CACNB2: variants seen among roughly 807,000 people sequenced by gnomAD.
CACNB2 encodes voltage-dependent L-type calcium channel subunit beta-2.
Under a neutral mutation model 73.3 loss-of-function variants are expected in CACNB2, and 42 were observed. The observed-to-expected ratio is 0.57, with a 90% CI of 0.45 to 0.74. The LOEUF is 0.74. Among genes scored for constraint, CACNB2 ranks in the 30% least tolerant of loss-of-function variants. The probability of loss-of-function intolerance (pLI) is 0.00; values close to 1 mark genes in which losing one functional copy is unlikely to be tolerated. For missense variants in CACNB2, 940 were observed against 853.0 expected, an observed-to-expected ratio of 1.10 and a Z score of -1.27; for synonymous variants, 348 against 310.3, an observed-to-expected ratio of 1.12 and a Z score of -1.28.
chr10:18,218,176 G>A (rs1489006850), intron 2 of CACNB2, among the ~76,000 whole-genome samples: 1 of 152,104 alleles, frequency 6.6e-6, no homozygotes, highest in African/African-American at 2.4e-5. Flanking sequence ...ATTTCTTGTT[G>A]GACTAGTCTC....
At chr10:18,245,166 C>T (rs2036812584) in intron 2 of CACNB2, among the ~76,000 whole-genome samples, 5 of 151,826 alleles carry the variant, frequency 3.3e-5, no homozygotes. Context: ...TTGTTTTATG[C>T]CACTGTATTT....
chr10:18,368,298 C>T (rs1027481329), intron 2 of CACNB2, among the ~76,000 whole-genome samples: 4 of 152,104 alleles, frequency 2.6e-5, no homozygotes, highest in South Asian at 2.1e-4. Flanking sequence ...TTTTCGCCCT[C>T]GGGTCACTGG....
intron 3 of CACNB2, among the ~76,000 whole-genome samples, chr10:18,447,353 G>A (rs1020761329): frequency 6.6e-6 from 1 of 152,194 alleles, no homozygotes; most frequent in Non-Finnish European, 1.5e-5. Context: ...TGGATAGCAA[G>A]ATTAATCTGG....
chr10:18,179,416 A>G (rs1005606626), intron 2 of CACNB2, among the ~76,000 whole-genome samples: 3 of 152,154 alleles, frequency 2.0e-5, no homozygotes, highest in Admixed American at 6.5e-5. Context: ...ATCCCACCCC[A>G]ACCATTATGT....
At chr10:18,515,653 G>C (rs1340047164) in intron 7 of CACNB2, among the ~76,000 whole-genome samples, 4 of 152,202 alleles carry the variant, frequency 2.6e-5, no homozygotes, top group Non-Finnish European at 5.9e-5. Flanking sequence ...TTGGATTTTT[G>C]TGTTAACATA....
chr10:18,534,029 T>C (rs781320014), intron 10 of CACNB2, 47 bp from the exon 11 acceptor site: 23 of 1,602,244 alleles, frequency 1.4e-5, no homozygotes, highest in South Asian at 7.7e-5. Context: ...CATTTTACTT[T>C]ATCTTAAAAA....
At chr10:18,400,612 A>C in intron 2 of CACNB2, 1 of 1,048,160 alleles carries the variant, frequency 9.5e-7, no homozygotes, top group Non-Finnish European at 1.2e-6. Context: ...TTGCACTTGC[A>C]AATGTCACTG....
chr10:18,492,868 G>A (rs531627830), intron 3 of CACNB2, among the ~76,000 whole-genome samples: 80 of 152,174 alleles, frequency 5.3e-4, no homozygotes, highest in African/African-American at 1.8e-3. Context: ...GGCTTTAATG[G>A]GGGGTAAATA....
At chr10:18,516,641 G>C (rs1028543341) in intron 7 of CACNB2, among the ~76,000 whole-genome samples, 1 of 152,170 alleles carries the variant, frequency 6.6e-6, no homozygotes, top group Non-Finnish European at 1.5e-5. Flanking sequence ...TGATGCCTTC[G>C]GCACTGGTAT....
chr10:18,171,954 T>G (rs1047244685), intron 2 of CACNB2, among the ~76,000 whole-genome samples: 2 of 152,154 alleles, frequency 1.3e-5, no homozygotes, highest in Admixed American at 6.6e-5. Context: ...TTCTTCTCTG[T>G]GGAGCTAACT....
intron 3 of CACNB2, among the ~76,000 whole-genome samples, chr10:18,431,846 C>A (rs909435591): frequency 1.3e-5 from 2 of 151,944 alleles, no homozygotes; most frequent in African/African-American, 4.8e-5. Context: ...CTTACTACAA[C>A]CTCTGCCTCC....
intron 2 of CACNB2, among the ~76,000 whole-genome samples, chr10:18,314,010 C>G (rs2040060578): frequency 6.6e-6 from 1 of 152,212 alleles, no homozygotes; most frequent in Non-Finnish European, 1.5e-5. Flanking sequence ...AATATTTTAA[C>G]TTGGAGTGTG....
intron 3 of CACNB2, among the ~76,000 whole-genome samples, chr10:18,456,928 T>A (rs1320231372): frequency 6.6e-6 from 1 of 152,218 alleles, no homozygotes; most frequent in African/African-American, 2.4e-5. Flanking sequence ...ACCTTTTGGC[T>A]ACTGTAAATA....
At chr10:18,513,580 C>A in intron 6 of CACNB2, 1 of 377,054 alleles carries the variant, frequency 2.7e-6, no homozygotes, top group Non-Finnish European at 5.3e-6. Context: ...TGCAAGTTGT[C>A]TCCACTGCTT....
chr10:18,176,384 A>G (rs2033592025), intron 2 of CACNB2, among the ~76,000 whole-genome samples: 1 of 152,174 alleles, frequency 6.6e-6, no homozygotes, highest in South Asian at 2.1e-4. Flanking sequence ...GGAAGGCTTT[A>G]AATAGGGAAA....
intron 2 of CACNB2, among the ~76,000 whole-genome samples, chr10:18,271,220 GT>G (rs2038041272): frequency 1.3e-5 from 2 of 152,190 alleles, no homozygotes; most frequent in South Asian, 4.1e-4. Flanking sequence ...TTGCAACTAT[GT>G]AATCATTTCC....
chr10:18,253,590 T>C (rs1402229545), intron 2 of CACNB2, among the ~76,000 whole-genome samples: 1 of 152,208 alleles, frequency 6.6e-6, no homozygotes, highest in Non-Finnish European at 1.5e-5. Flanking sequence ...TTCTTTCTTA[T>C]ATACATGTTG....
At chr10:18,179,958 G>A (rs115609269) in intron 2 of CACNB2, among the ~76,000 whole-genome samples, 1,801 of 152,198 alleles carry the variant, frequency 0.012, 19 homozygotes, top group African/African-American at 0.024. Flanking sequence ...CAAAAAGGAC[G>A]TGTCCTGAAG....
rs568925457 is a variant in CACNB2, at chr10:18,490,350, C to T, written c.334-8005C>T. Among the ~76,000 whole-genome samples, 66 of 152,330 alleles carry T rather than the reference C, an allele frequency of 4.3e-4. 1 individual carries two copies. The highest frequency in any genetic ancestry group is 1.5e-3 in the African/African-American group (64 of 41,570). ...ATGCATAGATGATTTACCAGTCGCC[C>T]TCATGCTATGTAGCATGTGCTCATA... On this transcript the variant is annotated intron_variant, in intron 3 of 13. Transcript: ENST00000324631.
Sources: gnomAD v4.1 joint callset for allele counts (sites outside exome capture counted in the v4.1 genomes callset) on GRCh38, gnomAD v4.1.1 for gene constraint, MANE v1.5 for transcripts, NCBI Gene and HGNC (gene_info 2026-07-23, HGNC 2026-07-21) for gene names.